The following TSHZ2 variants were observed in gnomAD, a reference collection of about 807,000 sequenced individuals.
TSHZ2 encodes the protein teashirt homolog 2.
In TSHZ2, 21 loss-of-function variants were observed where a neutral mutation model predicts 74.4. The ratio of observed to expected loss-of-function variants is 0.28; its 90% confidence interval spans 0.20 to 0.41. The LOEUF (loss-of-function observed/expected upper bound fraction) is 0.41. Among genes scored for constraint, TSHZ2 ranks in the 10% least tolerant of loss-of-function variants. TSHZ2 has a pLI of 1.00. For synonymous variants in TSHZ2, 540 were observed against 515.3 expected (o/e 1.05, Z -0.65); for missense variants, 1,244 against 1,293.5 (o/e 0.96, Z 0.59).
intron 1 of TSHZ2, among the ~76,000 whole-genome samples, chr20:53,103,164 A>C (rs1341888185): frequency 6.6e-6 from 1 of 152,208 alleles, no homozygotes; most frequent in African/African-American, 2.4e-5. Context: ...TCTCATATTC[A>C]GGGGTAGAAA....
chr20:53,097,284 G>C (rs1476788393), intron 1 of TSHZ2, among the ~76,000 whole-genome samples: 1 of 152,170 alleles, frequency 6.6e-6, no homozygotes, highest in Non-Finnish European at 1.5e-5. Flanking sequence ...TTATTCCCCA[G>C]AGCTGGTCCC....
intron 2 of TSHZ2, among the ~76,000 whole-genome samples, chr20:53,335,251 T>C (rs1295668911): frequency 6.6e-6 from 1 of 152,206 alleles, no homozygotes; most frequent in African/African-American, 2.4e-5. Context: ...AAATCAAGCC[T>C]TGAGTTGGTT....
At position 52,973,213 on chromosome 20, in the gene TSHZ2, C is replaced by T; in HGVS notation, c.-81C>T. On this transcript the variant is annotated 5_prime_UTR_variant, in exon 1 of 3. An upstream open reading frame in the 5' UTR gains an earlier in-frame stop. Transcript: ENST00000371497. ...CACCGGGCAAGAGGCGGAGGAGACCCAGAGAGGCCAGAGAGACAGCGGGCC... is the reference window on the plus strand; with the variant it reads ...CACCGGGCAAGAGGCGGAGGAGACCTAGAGAGGCCAGAGAGACAGCGGGCC... 2.6e-6 allele frequency: 4 copies of T among 1,536,176 alleles called. No homozygotes were observed. In the South Asian group the frequency reaches 3.6e-5, roughly 14 times the overall value.
At chr20:53,155,345 T>G (rs1203589827) in intron 1 of TSHZ2, among the ~76,000 whole-genome samples, 1 of 152,078 alleles carries the variant, frequency 6.6e-6, no homozygotes, top group Non-Finnish European at 1.5e-5. Context: ...GACCTGAGAC[T>G]GGTGTCAGAA....
chr20:53,421,331 C>T (rs540165656), intron 2 of TSHZ2: 1 of 166,662 alleles, frequency 6.0e-6, no homozygotes, highest in African/African-American at 2.4e-5. Flanking sequence ...GAAAGTGCTC[C>T]TGCCTTTGCA....
chr20:53,021,368 C>T (rs1348648331), intron 1 of TSHZ2, among the ~76,000 whole-genome samples: 1 of 152,136 alleles, frequency 6.6e-6, no homozygotes, highest in Non-Finnish European at 1.5e-5. Flanking sequence ...ACCACGTGCG[C>T]TGTGTTTAGC....
At chr20:53,230,452 C>T (rs987144495) in intron 1 of TSHZ2, among the ~76,000 whole-genome samples, 1 of 152,196 alleles carries the variant, frequency 6.6e-6, no homozygotes. Flanking sequence ...GGCACACAGA[C>T]ATCAACTGGA....
intron 1 of TSHZ2, among the ~76,000 whole-genome samples, chr20:53,089,421 G>A (rs1473108313): frequency 4.0e-5 from 6 of 148,528 alleles, no homozygotes; most frequent in Admixed American, 1.4e-4. Context: ...AATAGAAAGA[G>A]ATAAGTAGGG....
At chr20:53,258,785 G>T (rs1197319862) in intron 2 of TSHZ2, among the ~76,000 whole-genome samples, 1 of 152,132 alleles carries the variant, frequency 6.6e-6, no homozygotes, top group Non-Finnish European at 1.5e-5. Flanking sequence ...GCACCGTATT[G>T]GTGTTTTCAT....
intron 2 of TSHZ2, among the ~76,000 whole-genome samples, chr20:53,442,662 T>C (rs188594090): frequency 7.2e-5 from 11 of 152,340 alleles, no homozygotes; most frequent in Non-Finnish European, 1.6e-4. Flanking sequence ...CAAATCTCCC[T>C]GACAGGACGC....
intron 1 of TSHZ2, among the ~76,000 whole-genome samples, chr20:53,068,062 G>T (rs564463813): frequency 2.6e-5 from 4 of 152,242 alleles, no homozygotes; most frequent in African/African-American, 9.6e-5. Context: ...CTCTTTTGGT[G>T]TCTGTGTCCA....
intron 2 of TSHZ2, among the ~76,000 whole-genome samples, chr20:53,355,729 T>C (rs567940486): frequency 6.6e-6 from 1 of 152,314 alleles, no homozygotes; most frequent in East Asian, 1.9e-4. Context: ...AATTGTACCT[T>C]TTAAACAAAT....
chr20:53,390,217 C>T (rs1301761868), intron 2 of TSHZ2, among the ~76,000 whole-genome samples: 2 of 152,192 alleles, frequency 1.3e-5, no homozygotes, highest in Non-Finnish European at 2.9e-5. Context: ...GATGTTGGCA[C>T]TGGATTACTT....
intron 2 of TSHZ2, among the ~76,000 whole-genome samples, chr20:53,259,995 C>T (rs547359088): frequency 1.3e-5 from 2 of 152,098 alleles, no homozygotes; most frequent in Non-Finnish European, 2.9e-5. Flanking sequence ...ATATTCCTTC[C>T]TTTCATCCTC....
intron 2 of TSHZ2, among the ~76,000 whole-genome samples, chr20:53,472,878 G>C (rs111609127): frequency 0.083 from 12,635 of 152,032 alleles, 579 homozygotes; most frequent in East Asian, 0.17. Context: ...CCCTTTCCGA[G>C]TCAAAGAAAG....
intron 1 of TSHZ2, among the ~76,000 whole-genome samples, chr20:53,142,509 A>G (rs192734748): frequency 6.6e-6 from 1 of 152,246 alleles, no homozygotes; most frequent in Non-Finnish European, 1.5e-5. Context: ...ATGAGTTCCA[A>G]TACAAGCACA....
intron 2 of TSHZ2, among the ~76,000 whole-genome samples, chr20:53,335,914 G>A (rs528263964): frequency 1.3e-5 from 2 of 152,136 alleles, no homozygotes; most frequent in Non-Finnish European, 2.9e-5. Context: ...CTACTCTGTC[G>A]CCTGAAAGAA....
At position 53,074,154 on chromosome 20, in the gene TSHZ2, GTT is replaced by G. The variant is rs1356908900; in HGVS notation, c.40+100822_40+100823del. On this transcript the variant is annotated intron_variant, in intron 1 of 2. Transcript: ENST00000371497. This position sits in a 1 kb window ranked among gnomAD's most constrained non-coding sequence, Gnocchi z 5.9. Reference sequence around the variant, plus strand: ...ACTCTTATGTATCTTTTAAACTGCTGTTCAAATGTCGCCTTCTCAATGGAGCC... The same window carrying G: ...ACTCTTATGTATCTTTTAAACTGCTGCAAATGTCGCCTTCTCAATGGAGCC... Among the ~76,000 whole-genome samples, 1 of 152,206 alleles carries G rather than the reference GTT, an allele frequency of 6.6e-6. No homozygotes were observed. The highest frequency in any genetic ancestry group is 6.5e-5 in the Admixed American group (1 of 15,278).
In TSHZ2 at chr20:53,253,377, C is replaced by G. The variant is rs1278615682; in HGVS notation, c.41-122C>G. 2.1e-6 allele frequency: 3 copies of G among 1,456,528 alleles called. No individual in the cohort carries two copies. The Admixed American group carries it at 7.0e-5, about 34-fold the overall frequency. 90.2% of individuals were successfully genotyped at this position (1,456,528 alleles called of 1,614,324 possible). A position where few individuals can be genotyped will look rare whatever the true frequency, so the allele number is the denominator to read the frequency against. On this transcript the variant is annotated intron_variant, in intron 1 of 2. Coordinates refer to ENST00000371497, the MANE Select transcript of TSHZ2 (RefSeq NM_173485.6). ...TTTCCTGTGTCCACTGCTCACAGTG[C>G]ATAAAAATGTAGATTAAATCACCGT...
Sources: allele counts gnomAD v4.1 joint callset (sites outside exome capture counted in the v4.1 genomes callset), GRCh38; gene constraint gnomAD v4.1.1; non-coding constraint Gnocchi (gnomAD v3.1); transcripts MANE v1.5; gene names NCBI Gene and HGNC (gene_info 2026-07-23, HGNC 2026-07-21).